Variants in GRK7 observed in about 807,000 individuals in gnomAD.
The protein encoded by GRK7 is rhodopsin kinase GRK7.
Under a neutral mutation model 34.1 loss-of-function variants are expected in GRK7, and 24 were observed. The ratio of observed to expected loss-of-function variants is 0.70; its 90% CI spans 0.51 to 0.99. The LOEUF is 0.99. Ranked by LOEUF, GRK7 falls within the 50% of genes least tolerant of loss-of-function variation. GRK7 has a pLI of 0.00. For missense variants in GRK7, 644 were observed against 707.3 expected (o/e 0.91, Z 1.02); for synonymous variants, 256 against 279.4 (o/e 0.92, Z 0.84).
In GRK7 at chr3:141,790,317, C is replaced by T. The variant is rs935619650; in HGVS notation, c.1050+9506C>T. On this transcript the variant is annotated intron_variant, in intron 4 of 5. Transcript: ENST00000682958. ...CCAGCCAGCATTATGGTTTTTAATG[C>T]TATAAAAGGCTTTTCACTTAGTAAG... Among the ~76,000 whole-genome samples the T allele has an allele frequency of 2.0e-5, 3 of 151,834 alleles. No individual in the cohort carries two copies. In the East Asian group the frequency reaches 5.9e-4, roughly 30 times the overall value.
At chr3:141,795,454 G>C (rs1410184207) in intron 4 of GRK7, among the ~76,000 whole-genome samples, 3 of 152,240 alleles carry the variant, frequency 2.0e-5, no homozygotes, top group Non-Finnish European at 4.4e-5. Flanking sequence ...CTGAGGCTCA[G>C]TCGCAGAACA....
chr3:141,778,318 G>A lies in GRK7; in HGVS notation c.34G>A (p.Ala12Thr). The stretch of plus-strand genomic sequence containing the variant: ...CATGGGGGCCCTGGACAACCTGATC[G>A]CCAACACCGCCTACCTGCAGGCCCG... ...VDMGALDNLIANTAYLQARKP... is the reference protein window; with the variant it reads ...VDMGALDNLITNTAYLQARKP... The change falls in exon 3 of 6, where the codon GCC (alanine) becomes ACC (threonine). Residue 12 changes from alanine to threonine, a missense_variant. Ala to Thr is a moderately conservative substitution (Grantham distance 58). Transcript: ENST00000682958. The surrounding 1 kb of genome is among the most constrained non-coding windows in gnomAD (Gnocchi z 4.1). The A allele has an allele frequency of 6.3e-7, 1 of 1,592,280 alleles. No homozygotes were observed. The highest frequency in any genetic ancestry group is 1.1e-5 in the South Asian group (1 of 88,514).
chr3:141,791,338 C>T (rs2107884610), intron 4 of GRK7, among the ~76,000 whole-genome samples: 1 of 152,256 alleles, frequency 6.6e-6, no homozygotes, highest in African/African-American at 2.4e-5. Context: ...TATGTCACAA[C>T]CATCATGACC....
At chr3:141,757,166 T>C in the GRK7 span, among the ~76,000 whole-genome samples, 1 of 143,050 alleles carries the variant, frequency 7.0e-6, no homozygotes, top group Non-Finnish European at 1.5e-5. Context: ...TTTTTTATTA[T>C]ACTTTAAGTT....
chr3:141,778,804 A>G lies in GRK7; in HGVS notation c.520A>G (p.Lys174Glu). Reference protein sequence around the residue: ...KDFVTSAFYDKFLQWKLFEMQ... With the variant: ...KDFVTSAFYDEFLQWKLFEMQ... ...TTTCGTGACCAGCGCCTTCTACGAC[A>G]AGTTTCTGCAGTGGAAACTCTTCGA... Residue 174 changes from lysine to glutamate, a missense_variant, in exon 3 of 6, where the codon AAG (lysine) becomes GAG (glutamate). Lys to Glu is a moderately conservative substitution (Grantham distance 56). Transcript: ENST00000682958. This position sits in a 1 kb window ranked among gnomAD's most constrained non-coding sequence, Gnocchi z 4.1. 1.2e-6 allele frequency: 2 copies of G among 1,609,988 alleles called. No homozygotes were observed. The highest frequency in any genetic ancestry group is 1.7e-5 in the Admixed American group (1 of 59,200).
chr3:141,756,363 C>A, the GRK7 span, among the ~76,000 whole-genome samples: 1 of 151,254 alleles, frequency 6.6e-6, no homozygotes, highest in Non-Finnish European at 1.5e-5. Flanking sequence ...AGGCGACAGC[C>A]TGGCTGAATC....
chr3:141,809,819 T>C (rs111518783), intron 5 of GRK7, among the ~76,000 whole-genome samples: 2,752 of 152,242 alleles, frequency 0.018, 85 homozygotes, highest in African/African-American at 0.063. Flanking sequence ...TAGACATAGA[T>C]TCATGTCCCA....
the GRK7 span, among the ~76,000 whole-genome samples, chr3:141,753,271 T>C: frequency 6.6e-6 from 1 of 152,246 alleles, no homozygotes; most frequent in African/African-American, 2.4e-5. Flanking sequence ...ACAAACTTCA[T>C]TTATAGAGAT....
In GRK7 at chr3:141,812,881, A is replaced by G. The variant is rs555744765; in HGVS notation, c.1326-3833A>G. 2.1e-3 allele frequency among the ~76,000 whole-genome samples: 322 copies of G among 152,266 alleles called. 4 individuals carry two copies. The highest frequency in any genetic ancestry group is 3.7e-3 in the Non-Finnish European group (249 of 68,022). The stretch of plus-strand genomic sequence containing the variant: ...TTTGACACCTGACACAGTGTGTTCA[A>G]TTCATGCCCGCCAGTGATCATGGAA... On this transcript the variant is annotated intron_variant, in intron 5 of 5. Coordinates refer to ENST00000682958, the MANE Select transcript of GRK7 (RefSeq NM_139209.3).
chr3:141,792,313 G>T (rs1036238664), intron 4 of GRK7, among the ~76,000 whole-genome samples: 1 of 151,028 alleles, frequency 6.6e-6, no homozygotes, highest in African/African-American at 2.4e-5. Flanking sequence ...CTGAGGCAGG[G>T]GAATTGCTTG....
chr3:141,776,143 C>T (rs902771774), intron 2 of GRK7, among the ~76,000 whole-genome samples: 3 of 151,808 alleles, frequency 2.0e-5, no homozygotes, highest in South Asian at 2.1e-4. Flanking sequence ...AAAAATTAGC[C>T]GGGCGCGGTG....
intron 1 of GRK7, among the ~76,000 whole-genome samples, chr3:141,771,376 T>G (rs2084616178): frequency 6.6e-6 from 1 of 152,158 alleles, no homozygotes; most frequent in East Asian, 1.9e-4. Context: ...ATGTACTCTC[T>G]CAATAATCAG....
chr3:141,812,686 A>G (rs896633307), intron 5 of GRK7, among the ~76,000 whole-genome samples: 1 of 152,194 alleles, frequency 6.6e-6, no homozygotes, highest in Non-Finnish European at 1.5e-5. Context: ...GCAGTCAGCC[A>G]CCCCTGATGG....
intron 1 of GRK7, among the ~76,000 whole-genome samples, chr3:141,773,663 C>A (rs950566869): frequency 6.6e-6 from 1 of 152,162 alleles, no homozygotes; most frequent in African/African-American, 2.4e-5. Flanking sequence ...ATCTGCCCAC[C>A]TTGGCCTCCC....
the GRK7 span, among the ~76,000 whole-genome samples, chr3:141,752,259 C>CT: frequency 6.6e-6 from 1 of 152,160 alleles, no homozygotes; most frequent in South Asian, 2.1e-4. Flanking sequence ...CATGTAGCTG[C>CT]TTTTGTGTCT....
At chr3:141,766,644 C>T (rs1283704432) in intron 1 of GRK7, among the ~76,000 whole-genome samples, 1 of 152,192 alleles carries the variant, frequency 6.6e-6, no homozygotes, top group Non-Finnish European at 1.5e-5. Context: ...CTTTTATGCC[C>T]TTGTTTCATT....
chr3:141,780,318 C>G (rs770587889), intron 3 of GRK7, 56 bp from the exon 4 acceptor site: 139 of 1,427,102 alleles, frequency 9.7e-5, no homozygotes, highest in Non-Finnish European at 1.3e-4. Context: ...TCATCTCCAC[C>G]TCTCTGCAGT....
At chr3:141,787,592 T>A (rs2084702954) in intron 4 of GRK7, among the ~76,000 whole-genome samples, 2 of 140,658 alleles carry the variant, frequency 1.4e-5, no homozygotes, top group Admixed American at 1.5e-4. Context: ...GCCACTGCAC[T>A]CCAGCCTGGG....
At chr3:141,804,844 C>T (rs1037299063) in intron 4 of GRK7, among the ~76,000 whole-genome samples, 2 of 151,852 alleles carry the variant, frequency 1.3e-5, no homozygotes, top group African/African-American at 4.8e-5. Context: ...CACATGCACA[C>T]ATACACATAC....
Sources: gnomAD v4.1 joint callset for allele counts (sites outside exome capture counted in the v4.1 genomes callset) on GRCh38, gnomAD v4.1.1 for gene constraint, Gnocchi (gnomAD v3.1) non-coding constraint, MANE v1.5 for transcripts, NCBI Gene and HGNC (gene_info 2026-07-23, HGNC 2026-07-21) for gene names.